CDIN1: variants seen among roughly 807,000 people sequenced by gnomAD.
CDIN1 encodes the protein CDAN1-interacting nuclease 1.
Under a neutral mutation model 45.3 loss-of-function variants are expected in CDIN1, and 33 were observed. That is an observed-to-expected ratio of 0.73 (90% CI 0.55 to 0.97). CDIN1 has a LOEUF of 0.97. Among genes scored for constraint, CDIN1 ranks in the 50% least tolerant of loss-of-function variants. The pLI, the probability that CDIN1 is intolerant of heterozygous loss-of-function variation, is 0.00. For missense variants in CDIN1, 303 were observed against 339.4 expected, an observed-to-expected ratio of 0.89 and a Z score of 0.84; for synonymous variants, 118 against 124.4, an observed-to-expected ratio of 0.95 and a Z score of 0.34.
chr15:36,683,195 G>T (rs1244034063), intron 5 of CDIN1, among the ~76,000 whole-genome samples: 3 of 151,906 alleles, frequency 2.0e-5, no homozygotes, highest in Non-Finnish European at 4.4e-5. Context: ...TTCTTCTAGG[G>T]TTTTTATGGT....
At chr15:36,673,552 A>T (rs1215033625) in intron 5 of CDIN1, among the ~76,000 whole-genome samples, 1 of 151,992 alleles carries the variant, frequency 6.6e-6, no homozygotes, top group Non-Finnish European at 1.5e-5. Context: ...CCTATTTTTT[A>T]ATTTAGTTAA....
chr15:36,807,650 C>T (rs754614906), intron 10 of CDIN1, among the ~76,000 whole-genome samples: 2 of 152,122 alleles, frequency 1.3e-5, no homozygotes, highest in African/African-American at 2.4e-5. Flanking sequence ...TTATTAAGCC[C>T]GTAGCGATCT....
At chr15:36,791,866 A>C (rs1340458089) in intron 10 of CDIN1, among the ~76,000 whole-genome samples, 1 of 152,206 alleles carries the variant, frequency 6.6e-6, no homozygotes, top group East Asian at 1.9e-4. Context: ...CAATAACTTC[A>C]CACAAAGTAG....
chr15:36,596,099 T>C (rs1329281608), intron 1 of CDIN1, among the ~76,000 whole-genome samples: 1 of 152,038 alleles, frequency 6.6e-6, no homozygotes, highest in Non-Finnish European at 1.5e-5. Flanking sequence ...CTAGGAGAGT[T>C]GATTGAAAAG....
chr15:36,648,455 G>A (rs1351281169), intron 3 of CDIN1, among the ~76,000 whole-genome samples: 6 of 97,288 alleles, frequency 6.2e-5, no homozygotes, highest in South Asian at 3.5e-4. Flanking sequence ...TTTTTGAGAC[G>A]GAGTCTCCCT....
rs1425079608 is a variant in CDIN1, at chr15:36,732,639, A to G, written c.716+22678A>G. On this transcript the variant is annotated intron_variant, in intron 10 of 10. Transcript: ENST00000566621. The stretch of plus-strand genomic sequence containing the variant: ...AATAAATATATAAGTTCATAGGGAA[A>G]GAAAGATTTAAAGAGGGATATAGAA... 3.9e-5 allele frequency among the ~76,000 whole-genome samples: 6 copies of G among 152,110 alleles called. No homozygotes were observed. In the East Asian group the frequency reaches 1.2e-3, roughly 29 times the overall value.
intron 1 of CDIN1, among the ~76,000 whole-genome samples, chr15:36,634,257 C>T (rs927371185): frequency 1.2e-4 from 18 of 151,988 alleles, no homozygotes; most frequent in Middle Eastern, 3.4e-3. Context: ...GGTGAAACCC[C>T]GTCTCCACTA....
chr15:36,759,945 C>T (rs928272027), intron 10 of CDIN1, among the ~76,000 whole-genome samples: 5 of 152,082 alleles, frequency 3.3e-5, no homozygotes, highest in African/African-American at 1.2e-4. Flanking sequence ...CCCACCAGGC[C>T]CCACCTCCAA....
chr15:36,622,412 C>T (rs1039890123), intron 1 of CDIN1, among the ~76,000 whole-genome samples: 1 of 151,996 alleles, frequency 6.6e-6, no homozygotes, highest in South Asian at 2.1e-4. Flanking sequence ...TAGAGAGAGG[C>T]AGTGTTCATA....
chr15:36,634,718 C>T (rs2039823138), intron 1 of CDIN1, among the ~76,000 whole-genome samples: 1 of 152,048 alleles, frequency 6.6e-6, no homozygotes, highest in Non-Finnish European at 1.5e-5. Flanking sequence ...TTCCTATTTT[C>T]TTTTGTGTGG....
chr15:36,665,009 A>G (rs1202723013), intron 5 of CDIN1, among the ~76,000 whole-genome samples: 1 of 152,184 alleles, frequency 6.6e-6, no homozygotes, highest in African/African-American at 2.4e-5. Flanking sequence ...GCTCCACTGT[A>G]TCATATTTTA....
intron 1 of CDIN1, among the ~76,000 whole-genome samples, chr15:36,601,622 A>T (rs1381028585): frequency 6.6e-6 from 1 of 152,216 alleles, no homozygotes; most frequent in Non-Finnish European, 1.5e-5. Context: ...GTCTGCCATG[A>T]GGTCACAAAT....
intron 1 of CDIN1, among the ~76,000 whole-genome samples, chr15:36,586,778 A>C (rs2037322178): frequency 6.6e-6 from 1 of 152,226 alleles, no homozygotes; most frequent in Non-Finnish European, 1.5e-5. Flanking sequence ...TAAAAACAAA[A>C]TAAAACAAAA....
In CDIN1 at chr15:36,751,746, C is replaced by G. The variant is rs1270223910; in HGVS notation, c.716+41785C>G. Among the ~76,000 whole-genome samples, 5 of 151,930 alleles carry G rather than the reference C, an allele frequency of 3.3e-5. No homozygotes were observed. The East Asian group carries it at 9.7e-4, about 29-fold the overall frequency. On this transcript the variant is annotated intron_variant, in intron 10 of 10. Transcript: ENST00000566621. ...ACAATAGCAAAGACGTGGAATCAAC[C>G]CAAATGCCCATCAATGATACAGTGA... is the stretch of plus-strand genomic sequence containing the variant.
chr15:36,628,210 G>A lies in CDIN1; in HGVS notation c.102-16068G>A, dbSNP rs1264105140. Among the ~76,000 whole-genome samples, 4 of 152,122 alleles carry A rather than the reference G, an allele frequency of 2.6e-5. No individual in the cohort carries two copies. The East Asian group carries it at 7.7e-4, about 29-fold the overall frequency. On this transcript the variant is annotated intron_variant, in intron 1 of 10. Transcript: ENST00000566621. The stretch of plus-strand genomic sequence containing the variant: ...TAAAAATTCCGTTAGCCCTTTTGTG[G>A]TCAGTTTTTCCCCCCTGCCCTGGAG...
intron 10 of CDIN1, among the ~76,000 whole-genome samples, chr15:36,788,630 CAATT>C (rs1395913365): frequency 2.0e-5 from 3 of 152,034 alleles, no homozygotes; most frequent in Non-Finnish European, 2.9e-5. Context: ...CTGAATATCT[CAATT>C]AGTTTCAAAA....
intron 1 of CDIN1, chr15:36,594,868 C>T: frequency 1.0e-6 from 1 of 984,528 alleles, no homozygotes; most frequent in Non-Finnish European, 1.2e-6. Context: ...AGTTGTTTGG[C>T]TCTTTAATAC....
chr15:36,598,900 T>G (rs1475136644), intron 1 of CDIN1, among the ~76,000 whole-genome samples: 1 of 152,234 alleles, frequency 6.6e-6, no homozygotes, highest in Non-Finnish European at 1.5e-5. Flanking sequence ...CATTTCTTTC[T>G]TTTGCTTTCT....
chr15:36,758,504 G>A (rs1333447000), intron 10 of CDIN1, among the ~76,000 whole-genome samples: 2 of 152,144 alleles, frequency 1.3e-5, no homozygotes, highest in Non-Finnish European at 2.9e-5. Flanking sequence ...TTGATTGCAT[G>A]ATCTTGATGC....
Sources: allele counts gnomAD v4.1 joint callset (sites outside exome capture counted in the v4.1 genomes callset), GRCh38; gene constraint gnomAD v4.1.1; transcripts MANE v1.5; gene names NCBI Gene and HGNC (gene_info 2026-07-23, HGNC 2026-07-21).